The following SLCO5A1 variants were observed in gnomAD, a reference collection of about 807,000 sequenced individuals.
SLCO5A1 encodes organic anion transporter polypeptide-related protein 4.
A neutral mutation model predicts 65.1 loss-of-function variants in SLCO5A1; 39 were observed. That is an observed-to-expected ratio of 0.60 (90% CI 0.46 to 0.78). SLCO5A1 has a LOEUF of 0.78. SLCO5A1 is among the 30% of genes least tolerant of loss of function. The pLI is 0.00. For missense variants in SLCO5A1, 1,029 were observed against 1,069.4 expected (o/e 0.96, Z 0.53); for synonymous variants, 438 against 415.7 (o/e 1.05, Z -0.65).
intron 5 of SLCO5A1, among the ~76,000 whole-genome samples, chr8:69,721,147 C>T: frequency 6.6e-6 from 1 of 152,190 alleles, no homozygotes; most frequent in East Asian, 1.9e-4. Flanking sequence ...TTCCTCCTTC[C>T]ATTTTGCTAC....
chr8:69,722,951 T>C (rs1375713313), intron 5 of SLCO5A1, among the ~76,000 whole-genome samples: 1 of 152,214 alleles, frequency 6.6e-6, no homozygotes. Flanking sequence ...CCACAATATA[T>C]GAGACTATAG....
intron 5 of SLCO5A1, among the ~76,000 whole-genome samples, chr8:69,729,705 CGTGT>C (rs201751869): frequency 6.6e-6 from 1 of 151,314 alleles, no homozygotes; most frequent in Admixed American, 6.6e-5. Flanking sequence ...AGAGAGAGAG[CGTGT>C]GTGTGTGTGA....
chr8:69,784,940 AAGAAAG>A (rs1157575792), intron 2 of SLCO5A1, among the ~76,000 whole-genome samples: 16 of 147,542 alleles, frequency 1.1e-4, no homozygotes, highest in Admixed American at 3.4e-4. Flanking sequence ...GAAAGAAAGA[AAGAAAG>A]AAAGAAGAAA....
intron 2 of SLCO5A1, among the ~76,000 whole-genome samples, chr8:69,796,047 C>G (rs934178209): frequency 1.3e-5 from 2 of 152,198 alleles, no homozygotes; most frequent in African/African-American, 4.8e-5. Flanking sequence ...TTGCACAGGG[C>G]AGGGGGGGCC....
At position 69,755,656 on chromosome 8, in the gene SLCO5A1, A is replaced by G; in HGVS notation, c.1041-15T>C. The stretch of plus-strand genomic sequence containing the variant: ...ATCCACTCCACCTAAAAAATTGGAA[A>G]ATGTGAATAGCATTTACGTCTTTTC... On this transcript the variant is annotated splice_polypyrimidine_tract_variant and intron_variant, in intron 3 of 9. Transcript: ENST00000260126. The G allele has an allele frequency of 6.3e-7, 1 of 1,598,136 alleles. No individual in the cohort carries two copies. Among genetic ancestry groups the G allele is most frequent in the Non-Finnish European group, 8.5e-7 (1 of 1,170,812 alleles).
intron 6 of SLCO5A1, among the ~76,000 whole-genome samples, chr8:69,682,548 T>A (rs1376603332): frequency 6.6e-6 from 1 of 152,212 alleles, no homozygotes; most frequent in Non-Finnish European, 1.5e-5. Flanking sequence ...TTACTGGTAT[T>A]ACAGATTCAA....
Position 69,721,392 on chromosome 8 carries a change from G to A in SLCO5A1, c.1424-16163C>T, listed in dbSNP as rs10112673. Among the ~76,000 whole-genome samples the A allele has an allele frequency of 4.9e-3, 739 of 152,272 alleles. 7 individuals carry two copies. Among genetic ancestry groups the A allele is most frequent in the Non-Finnish European group, 8.3e-3 (566 of 68,026 alleles). On this transcript the variant is annotated intron_variant, in intron 5 of 9. Coordinates refer to ENST00000260126, the MANE Select transcript of SLCO5A1 (RefSeq NM_030958.3). Reference sequence around the variant, plus strand: ...TCCTAAATTAACACAAGAGCCCAGAGATCATGTATTTAACTACCTCGTGTT... The same window carrying A: ...TCCTAAATTAACACAAGAGCCCAGAAATCATGTATTTAACTACCTCGTGTT...
chr8:69,753,105 G>T (rs1273776006), intron 4 of SLCO5A1, among the ~76,000 whole-genome samples: 1 of 152,122 alleles, frequency 6.6e-6, no homozygotes, highest in Non-Finnish European at 1.5e-5. Flanking sequence ...GCATATCTAA[G>T]TATGGGTTCC....
chr8:69,716,200 A>G (rs1269902695), intron 5 of SLCO5A1, among the ~76,000 whole-genome samples: 1 of 152,176 alleles, frequency 6.6e-6, no homozygotes, highest in African/African-American at 2.4e-5. Context: ...TCTAGATCAC[A>G]TTTTATTAAT....
intron 1 of SLCO5A1, chr8:69,834,128 A>ACACACC (rs1476311167): frequency 3.8e-4 from 55 of 144,898 alleles, no homozygotes; most frequent in Non-Finnish European, 6.7e-4. Flanking sequence ...ACACACACAC[A>ACACACC]CCGGCGTACT....
At chr8:69,802,374 C>T (rs981547546) in intron 2 of SLCO5A1, among the ~76,000 whole-genome samples, 4 of 151,796 alleles carry the variant, frequency 2.6e-5, no homozygotes, top group East Asian at 1.9e-4. Context: ...GGCGTGGTGG[C>T]GCATGCCTGC....
At chr8:69,775,066 A>G (rs1331802554) in intron 2 of SLCO5A1, among the ~76,000 whole-genome samples, 1 of 152,146 alleles carries the variant, frequency 6.6e-6, no homozygotes, top group African/African-American at 2.4e-5. Context: ...CAGGCCTGAC[A>G]GCAAAAGAAC....
chr8:69,762,434 C>CTT (rs1476776311), intron 2 of SLCO5A1, among the ~76,000 whole-genome samples: 1 of 152,028 alleles, frequency 6.6e-6, no homozygotes, highest in African/African-American at 2.4e-5. Flanking sequence ...GATCCACCTG[C>CTT]CTCGGCCTCC....
At chr8:69,771,313 T>C (rs930149148) in intron 2 of SLCO5A1, among the ~76,000 whole-genome samples, 1 of 152,226 alleles carries the variant, frequency 6.6e-6, no homozygotes, top group Non-Finnish European at 1.5e-5. Flanking sequence ...ATGTATTTTA[T>C]CTTTTAAAAC....
rs1184968771 is a variant in SLCO5A1 at position 69,755,447 on chromosome 8, A to T, written c.1235T>A (p.Met412Lys). 1.2e-6 allele frequency: 2 copies of T among 1,613,828 alleles called. No homozygotes were observed. Among genetic ancestry groups the T allele is most frequent in the African/African-American group, 2.7e-5 (2 of 75,048 alleles). Reference protein sequence around the residue: ...SEQADKKVSSMGFGKDVRDLP... With the variant: ...SEQADKKVSSKGFGKDVRDLP... ...ACCTCTGACATCCTTTCCAAATCCCATCGAAGAAACTTTTTTGTCCGCTTG... is the reference window on the plus strand; with the variant it reads ...ACCTCTGACATCCTTTCCAAATCCCTTCGAAGAAACTTTTTTGTCCGCTTG... Residue 412 changes from methionine (M) to lysine (K), a missense_variant, in exon 4 of 10, where the codon ATG becomes AAG. Around this residue, in one of 3 missense-constraint regions of SLCO5A1, gnomAD observed 647 missense variants for 647.5 expected, o/e 1.00. Coordinates refer to ENST00000260126, the MANE Select transcript of SLCO5A1 (RefSeq NM_030958.3).
Position 69,672,678 on chromosome 8 carries a change from G to A in SLCO5A1, c.*191C>T. On this transcript the variant is annotated 3_prime_UTR_variant, in exon 10 of 10. Transcript: ENST00000260126. ...AACGTCTCCTTCTTGGAGAGAAGCG[G>A]GGAAAGGCTCTCAGTCTTGTTGAGG... The A allele has an allele frequency of 1.6e-6, 1 of 615,730 alleles. No homozygotes were observed. The highest frequency in any genetic ancestry group is 2.8e-6 in the Non-Finnish European group (1 of 359,994). 38.1% of individuals were successfully genotyped at this position (615,730 alleles called of 1,614,324 possible).
intron 2 of SLCO5A1, among the ~76,000 whole-genome samples, chr8:69,784,679 C>T (rs1818932810): frequency 6.6e-6 from 1 of 150,918 alleles, no homozygotes; most frequent in African/African-American, 2.4e-5. Context: ...TCCCCGCTAC[C>T]CAGGAGGCTG....
intron 5 of SLCO5A1, among the ~76,000 whole-genome samples, chr8:69,733,521 G>A (rs1337857101): frequency 6.6e-6 from 1 of 152,194 alleles, no homozygotes; most frequent in East Asian, 1.9e-4. Flanking sequence ...CTCCTTCAGG[G>A]TTGATACGGT....
intron 3 of SLCO5A1, among the ~76,000 whole-genome samples, chr8:69,760,543 C>T (rs1291884684): frequency 2.0e-5 from 3 of 152,122 alleles, no homozygotes; most frequent in Non-Finnish European, 4.4e-5. Flanking sequence ...TAATTACTTT[C>T]TCCATGTGTG....
Sources: gnomAD v4.1 joint callset for allele counts (sites outside exome capture counted in the v4.1 genomes callset) on GRCh38, gnomAD v4.1.1 for gene constraint, gnomAD v4.1.1 regional missense constraint, MANE v1.5 for transcripts, NCBI Gene and HGNC (gene_info 2026-07-23, HGNC 2026-07-21) for gene names.